The following ACSF2 variants were observed in gnomAD, a reference collection of about 807,000 sequenced individuals.
ACSF2 encodes acyl-CoA synthetase family member 2, also known as medium-chain acyl-CoA ligase ACSF2, mitochondrial.
ACSF2 carries 52 observed loss-of-function variants against 79.3 expected under a neutral mutation model. The observed-to-expected ratio is 0.66, with a 90% CI of 0.53 to 0.83. The LOEUF is 0.83. Among genes scored for constraint, ACSF2 ranks in the 40% least tolerant of loss-of-function variants. ACSF2 has a pLI of 0.00. For missense variants in ACSF2, 661 were observed against 803.3 expected, an observed-to-expected ratio of 0.82 and a Z score of 2.14; for synonymous variants, 283 against 312.6, an observed-to-expected ratio of 0.91 and a Z score of 1.00.
chr17:50,430,441 G>T (rs1281419385), intron 1 of ACSF2, among the ~76,000 whole-genome samples: 3 of 152,182 alleles, frequency 2.0e-5, no homozygotes, highest in Non-Finnish European at 4.4e-5. Context: ...GCCGAGGCAG[G>T]CAGATCACAA....
At chr17:50,450,859 G>A (rs1164672405) in intron 1 of ACSF2, 1 of 152,240 alleles carries the variant, frequency 6.6e-6, no homozygotes, top group African/African-American at 2.4e-5. Context: ...CCGTTCATCT[G>A]TTGCTGGACA....
chr17:50,444,796 A>G (rs1032227102), intron 1 of ACSF2, among the ~76,000 whole-genome samples: 1 of 151,994 alleles, frequency 6.6e-6, no homozygotes, highest in African/African-American at 2.4e-5. Context: ...ACCTCTTCCT[A>G]TGCTTACTGG....
chr17:50,432,975 GTCTCTTATGA>G (rs1364352138), intron 1 of ACSF2, among the ~76,000 whole-genome samples: 2 of 152,118 alleles, frequency 1.3e-5, no homozygotes, highest in Non-Finnish European at 2.9e-5. Context: ...ATTTCACTTG[GTCTCTTATGA>G]ACCCTGAGTA....
At chr17:50,441,178 A>G (rs1366448708) in intron 1 of ACSF2, among the ~76,000 whole-genome samples, 1 of 152,248 alleles carries the variant, frequency 6.6e-6, no homozygotes, top group Non-Finnish European at 1.5e-5. Context: ...TTAAAAAGAA[A>G]TGATCTGAGA....
At chr17:50,470,716 C>T (rs1462146705) in intron 10 of ACSF2, among the ~76,000 whole-genome samples, 7 of 152,000 alleles carry the variant, frequency 4.6e-5, no homozygotes, top group South Asian at 2.1e-4. Flanking sequence ...TTGGTAATAC[C>T]GGAGCCACAG....
At position 50,474,588 on chromosome 17, in the gene ACSF2, A is replaced by G. The variant is rs367961235; in HGVS notation, c.*36A>G. The G allele has an allele frequency of 5.0e-6, 8 of 1,607,494 alleles. No homozygotes were observed. Among genetic ancestry groups the G allele is most frequent in the South Asian group, 2.2e-5 (2 of 90,914 alleles). Reference sequence around the variant, plus strand: ...AGGCCTGTCCTGGCCGGTTGGCTTGACTCTCTCCTGTCAGAATGCAACCTG... The same window carrying G: ...AGGCCTGTCCTGGCCGGTTGGCTTGGCTCTCTCCTGTCAGAATGCAACCTG... On this transcript the variant is annotated 3_prime_UTR_variant, in exon 16 of 16. Coordinates refer to ENST00000300441, the MANE Select transcript of ACSF2 (RefSeq NM_025149.6). The surrounding 1 kb of genome is among the most constrained non-coding windows in gnomAD (Gnocchi z 4.2).
intron 1 of ACSF2, among the ~76,000 whole-genome samples, chr17:50,435,692 C>G (rs79036740): frequency 0.058 from 8,838 of 152,140 alleles, 285 homozygotes; most frequent in Non-Finnish European, 0.068. Context: ...GATTACTTTA[C>G]AGACGTGAGC....
chr17:50,464,778 G>GGGGT, intron 10 of ACSF2: 2 of 318,906 alleles, frequency 6.3e-6, no homozygotes, highest in South Asian at 2.4e-5. Context: ...TTGGGGGGGG[G>GGGGT]GTCTCAGCAA....
rs754203020 is a variant in ACSF2, at chr17:50,439,232, C to CTTT, written c.128+12868_128+12870dup. ...ACGACAGGTGCATGCTACCACACAG[C>CTTT]TTTTTTTTTTTTTTTTTTTTTTTTT... On this transcript the variant is annotated intron_variant, in intron 1 of 15. Transcript: ENST00000300441. Among the ~76,000 whole-genome samples, 44 of 96,460 alleles carry CTTT rather than the reference C, an allele frequency of 4.6e-4. 6 individuals are homozygous for CTTT. Among genetic ancestry groups the CTTT allele is most frequent in the African/African-American group, 1.6e-3 (34 of 21,328 alleles). 63.3% of individuals were successfully genotyped at this position (96,460 alleles called of 152,430 possible).
rs1263368428 is a variant in ACSF2 at position 50,460,779 on chromosome 17, C to A, written c.231C>A (p.Cys77Ter). Reference protein sequence around the residue: ...KHLNSKTVGQCLETTAQRVPE... With the variant: ...KHLNSKTVGQ ...TTAACAGCAAGACTGTGGGCCAGTG[C>A]CTGGAGACCACAGCACAGAGGGTCC... is the stretch of plus-strand genomic sequence containing the variant. The change falls in exon 2 of 16, where the codon TGC (cysteine) becomes TGA (stop). Residue 77 changes from cysteine to a stop codon, truncating the protein, a stop_gained. Coordinates refer to ENST00000300441, the MANE Select transcript of ACSF2 (RefSeq NM_025149.6). LOFTEE classifies it high-confidence loss of function. 2 of 1,612,952 alleles carry A rather than the reference C, an allele frequency of 1.2e-6. No individual in the cohort carries two copies. Among genetic ancestry groups the A allele is most frequent in the African/African-American group, 1.3e-5 (1 of 74,900 alleles).
chr17:50,464,433 GA>G (rs2143731270), intron 10 of ACSF2, 139 bp downstream of exon 10: 1 of 884,778 alleles, frequency 1.1e-6, no homozygotes, highest in East Asian at 2.5e-5. Flanking sequence ...GCAGATGTGA[GA>G]AAAGATAGTC....
At chr17:50,467,201 G>C (rs956101316) in intron 10 of ACSF2, among the ~76,000 whole-genome samples, 1 of 152,254 alleles carries the variant, frequency 6.6e-6, no homozygotes. Context: ...AGGGGAGAAA[G>C]GAATGAGTGA....
At chr17:50,435,179 C>CT (rs1465485950) in intron 1 of ACSF2, among the ~76,000 whole-genome samples, 1 of 152,016 alleles carries the variant, frequency 6.6e-6, no homozygotes, top group Non-Finnish European at 1.5e-5. Context: ...CTGTGTCTGG[C>CT]TTTTTTTGCT....
rs200301561 is a variant in ACSF2 at position 50,462,619 on chromosome 17, T to G, written c.792+34T>G. On this transcript the variant is annotated intron_variant, in intron 6 of 15. Transcript: ENST00000300441. ...GAGGTCTCCAGGCCCCAAGCCCAGA[T>G]GGACACATGCCCCCTGTCCCTGTGA... The G allele has an allele frequency of 1.9e-5, 31 of 1,602,794 alleles. No individual in the cohort carries two copies. The African/African-American group carries it at 3.1e-4, about 16-fold the overall frequency.
intron 10 of ACSF2, among the ~76,000 whole-genome samples, chr17:50,466,073 C>CTTTTTTTTTTTTTTTTTTCT (rs10707664): frequency 8.3e-6 from 1 of 120,028 alleles, no homozygotes; most frequent in Admixed American, 9.1e-5. Context: ...GTGTTATTTT[C>CTTTTTTTTTTTTTTTTTTCT]TTTTTTTTTT....
At chr17:50,436,508 C>T (rs1233089449) in intron 1 of ACSF2, among the ~76,000 whole-genome samples, 1 of 152,018 alleles carries the variant, frequency 6.6e-6, no homozygotes, top group Non-Finnish European at 1.5e-5. Context: ...TCTCGGATCA[C>T]TGCAACCTCT....
intron 1 of ACSF2, among the ~76,000 whole-genome samples, chr17:50,431,064 C>G (rs1271829242): frequency 6.6e-6 from 1 of 152,198 alleles, no homozygotes; most frequent in Non-Finnish European, 1.5e-5. Flanking sequence ...AAGAAATAGA[C>G]TCTTCCCATA....
At chr17:50,467,676 T>C (rs1003046292) in intron 10 of ACSF2, among the ~76,000 whole-genome samples, 8 of 152,158 alleles carry the variant, frequency 5.3e-5, no homozygotes, top group Non-Finnish European at 7.4e-5. Flanking sequence ...GTAGGTTTAC[T>C]GGAGACGGGA....
intron 10 of ACSF2, among the ~76,000 whole-genome samples, chr17:50,469,677 C>T (rs2033009205): frequency 6.6e-6 from 1 of 152,234 alleles, no homozygotes; most frequent in Non-Finnish European, 1.5e-5. Flanking sequence ...CTTCATCGCC[C>T]CGAAATATCT....
Sources: allele counts gnomAD v4.1 joint callset (sites outside exome capture counted in the v4.1 genomes callset), GRCh38; gene constraint gnomAD v4.1.1; non-coding constraint Gnocchi (gnomAD v3.1); transcripts MANE v1.5; gene names NCBI Gene and HGNC (gene_info 2026-07-23, HGNC 2026-07-21).